Variants in FCHSD2 observed in about 807,000 individuals in gnomAD.
The protein encoded by FCHSD2 is FCH and double SH3 domains 2.
In FCHSD2, 38 loss-of-function variants were observed where a neutral mutation model predicts 108.1. The ratio of observed to expected loss-of-function variants is 0.35; its 90% CI spans 0.27 to 0.46. The LOEUF is 0.46. Among genes scored for constraint, FCHSD2 ranks in the 20% least tolerant of loss-of-function variants. The pLI is 1.00. For synonymous variants in FCHSD2, 279 were observed against 314.7 expected (o/e 0.89, Z 1.20); for missense variants, 751 against 897.8 (o/e 0.84, Z 2.09).
At chr11:73,135,439 G>C (rs1861100484) in intron 2 of FCHSD2, among the ~76,000 whole-genome samples, 1 of 152,056 alleles carries the variant, frequency 6.6e-6, no homozygotes, top group South Asian at 2.1e-4. Context: ...CTCTAAGAAG[G>C]TAGTTCTTTA....
chr11:72,853,449 C>G (rs761760496), intron 13 of FCHSD2, among the ~76,000 whole-genome samples: 1 of 152,186 alleles, frequency 6.6e-6, no homozygotes, highest in African/African-American at 2.4e-5. Flanking sequence ...GAGTCTCGCT[C>G]TGTTGCCCAG....
chr11:73,028,449 T>C (rs1410862694), intron 3 of FCHSD2, among the ~76,000 whole-genome samples: 1 of 152,244 alleles, frequency 6.6e-6, no homozygotes, highest in Non-Finnish European at 1.5e-5. Flanking sequence ...ATCAAATGCC[T>C]GTACCCCCAT....
At chr11:72,884,266 C>T (rs1265992391) in intron 12 of FCHSD2, among the ~76,000 whole-genome samples, 1 of 152,028 alleles carries the variant, frequency 6.6e-6, no homozygotes, top group Non-Finnish European at 1.5e-5. Flanking sequence ...ATCTAACAAA[C>T]ACATAAAGCC....
chr11:73,050,149 G>A (rs1858865286), intron 3 of FCHSD2, among the ~76,000 whole-genome samples: 1 of 152,176 alleles, frequency 6.6e-6, no homozygotes, highest in Non-Finnish European at 1.5e-5. Flanking sequence ...ATTGTAGTGA[G>A]AAAGCAGCCA....
chr11:72,913,281 T>C (rs750502909), intron 9 of FCHSD2, among the ~76,000 whole-genome samples: 1 of 152,142 alleles, frequency 6.6e-6, no homozygotes, highest in African/African-American at 2.4e-5. Context: ...TTTTTTTTCT[T>C]TTTTTGAGAC....
chr11:73,081,311 G>A (rs946560069), intron 3 of FCHSD2, among the ~76,000 whole-genome samples: 1 of 152,048 alleles, frequency 6.6e-6, no homozygotes, highest in Non-Finnish European at 1.5e-5. Flanking sequence ...GCACGCACCT[G>A]TAGTCCCAGC....
chr11:72,840,834 G>C, intron 19 of FCHSD2, 43 bp downstream of exon 19: 2 of 1,384,288 alleles, frequency 1.4e-6, no homozygotes, highest in East Asian at 2.3e-5. Context: ...TTTCAATTTG[G>C]AAGAACTATG....
intron 2 of FCHSD2, among the ~76,000 whole-genome samples, chr11:73,120,104 A>AG (rs988681606): frequency 6.6e-6 from 1 of 152,136 alleles, no homozygotes; most frequent in African/African-American, 2.4e-5. Context: ...ACTACCACCA[A>AG]GAACAGCACG....
Position 72,982,615 on chromosome 11 carries a change from A to G in FCHSD2, c.705+1473T>C, listed in dbSNP as rs554595579. Among the ~76,000 whole-genome samples, 5 of 152,314 alleles carry G rather than the reference A, an allele frequency of 3.3e-5. No individual in the cohort carries two copies. In the East Asian group the frequency reaches 9.6e-4, roughly 29 times the overall value. The stretch of plus-strand genomic sequence containing the variant: ...TCCTCTACTATCTTCTCTTTATTTC[A>G]GTGAAAGTTAAAGACACATCATAGG... On this transcript the variant is annotated intron_variant, in intron 8 of 19. Coordinates refer to ENST00000409418, the MANE Select transcript of FCHSD2 (RefSeq NM_014824.3).
At chr11:72,851,576 T>TATA (rs1565287939) in intron 13 of FCHSD2, among the ~76,000 whole-genome samples, 1 of 151,648 alleles carries the variant, frequency 6.6e-6, no homozygotes. Context: ...CCATCTCTAT[T>TATA]AACAAAAAAA....
intron 13 of FCHSD2, among the ~76,000 whole-genome samples, chr11:72,862,193 T>C (rs1434195702): frequency 6.6e-6 from 1 of 152,214 alleles, no homozygotes; most frequent in African/African-American, 2.4e-5. Context: ...AATGCATTCT[T>C]GCTAAAAGTT....
At chr11:72,856,085 T>C (rs999569171) in intron 13 of FCHSD2, among the ~76,000 whole-genome samples, 2 of 152,222 alleles carry the variant, frequency 1.3e-5, no homozygotes, top group African/African-American at 2.4e-5. Context: ...ACAGGCAGGA[T>C]TGGCCTTCAT....
At chr11:73,016,979 G>A (rs1443715033) in intron 3 of FCHSD2, among the ~76,000 whole-genome samples, 5 of 151,986 alleles carry the variant, frequency 3.3e-5, no homozygotes, top group African/African-American at 1.2e-4. Context: ...TTGCTTGTTT[G>A]TTTTCGTTCG....
At chr11:72,849,617 C>G (rs140178229) in intron 14 of FCHSD2, 138 bp downstream of exon 14, 4 of 689,162 alleles carry the variant, frequency 5.8e-6, no homozygotes, top group Non-Finnish European at 9.9e-6. Context: ...AAACTCATCA[C>G]CATTCTGTTA....
intron 8 of FCHSD2, among the ~76,000 whole-genome samples, chr11:72,975,453 G>C (rs1033350541): frequency 1.3e-5 from 2 of 152,084 alleles, no homozygotes; most frequent in South Asian, 4.1e-4. Context: ...GCACAGCAGG[G>C]TGACTATAGT....
intron 13 of FCHSD2, among the ~76,000 whole-genome samples, 169 bp from the exon 14 acceptor site, chr11:72,850,058 T>G (rs992446605): frequency 8.0e-3 from 12 of 1,504 alleles, no homozygotes; most frequent in African/African-American, 0.033. Context: ...AAGAATAGAG[T>G]TTTTTTTTTT....
At chr11:72,939,163 A>G (rs1856363372) in intron 8 of FCHSD2, among the ~76,000 whole-genome samples, 1 of 152,186 alleles carries the variant, frequency 6.6e-6, no homozygotes, top group African/African-American at 2.4e-5. Flanking sequence ...TCTAAAGTCA[A>G]TTCCAGCAAA....
At chr11:73,017,237 C>T (rs1857994016) in intron 3 of FCHSD2, among the ~76,000 whole-genome samples, 1 of 152,130 alleles carries the variant, frequency 6.6e-6, no homozygotes, top group African/African-American at 2.4e-5. Flanking sequence ...CCTTGTCCTC[C>T]CAAAGTTCTG....
intron 8 of FCHSD2, chr11:72,940,444 T>A (rs1856392144): frequency 4.7e-6 from 3 of 640,066 alleles, no homozygotes; most frequent in Non-Finnish European, 8.4e-6. Context: ...TGGCAATAAA[T>A]AGTAAATAAG....
Sources: gnomAD v4.1 joint callset for allele counts (sites outside exome capture counted in the v4.1 genomes callset) on GRCh38, gnomAD v4.1.1 for gene constraint, MANE v1.5 for transcripts, NCBI Gene and HGNC (gene_info 2026-07-23, HGNC 2026-07-21) for gene names.